Variants in ANKRD30A observed in about 807,000 individuals in gnomAD.
ANKRD30A encodes the protein ankyrin repeat domain-containing protein 30A.
Under a neutral mutation model 166.3 loss-of-function variants are expected in ANKRD30A, and 170 were observed. The observed-to-expected ratio is 1.02, with a 90% confidence interval of 0.90 to 1.16. The LOEUF is 1.16. Ranked by LOEUF, ANKRD30A falls within the 50% of genes most tolerant of loss-of-function variation. ANKRD30A has a pLI of 0.00. For missense variants in ANKRD30A, 1,630 were observed against 1,518.0 expected, an observed-to-expected ratio of 1.07 and a Z score of -1.23; for synonymous variants, 564 against 508.9, an observed-to-expected ratio of 1.11 and a Z score of -1.46.
intron 25 of ANKRD30A, among the ~76,000 whole-genome samples, chr10:37,190,286 G>T (rs1403849370): frequency 6.6e-6 from 1 of 151,850 alleles, no homozygotes; most frequent in Non-Finnish European, 1.5e-5. Context: ...GCTGATGCTG[G>T]TGGTCCTTGG....
chr10:37,127,046 C>CAAAAAAAAAAAAAAAAAAAAAAAAAA (rs71007622), intron 1 of ANKRD30A, among the ~76,000 whole-genome samples: 2 of 16,504 alleles, frequency 1.2e-4, no homozygotes, highest in Non-Finnish European at 8.9e-5. Flanking sequence ...AACTCTGTCT[C>CAAAAAAAAAAAAAAAAAAAAAAAAAA]AAAAAAAAAA....
chr10:37,264,662 G>T, the ANKRD30A span: 4 of 237,808 alleles, frequency 1.7e-5, no homozygotes, highest in Admixed American at 1.7e-4. Context: ...TTGGAAGTTT[G>T]CCTTCTGTGT....
downstream of ANKRD30A, among the ~76,000 whole-genome samples, chr10:37,234,235 G>GT (rs1355461465): frequency 4.6e-5 from 7 of 151,956 alleles, no homozygotes; most frequent in South Asian, 4.2e-4. Context: ...CTTTTACTTT[G>GT]TTTTTTTATT....
intron 7 of ANKRD30A, 75 bp downstream of exon 7, chr10:37,142,365 G>A: frequency 1.4e-5 from 19 of 1,369,068 alleles, no homozygotes; most frequent in Non-Finnish European, 1.7e-5. Context: ...TGATATGGGA[G>A]TAGTTGGGAA....
the ANKRD30A span, among the ~76,000 whole-genome samples, chr10:37,243,385 C>A: frequency 6.6e-6 from 1 of 151,352 alleles, no homozygotes; most frequent in Non-Finnish European, 1.5e-5. Flanking sequence ...ACCTCGTGAT[C>A]CGCCCGCCTC....
At chr10:37,151,484 G>GT (rs1837932190) in intron 11 of ANKRD30A, among the ~76,000 whole-genome samples, 2 of 152,032 alleles carry the variant, frequency 1.3e-5, no homozygotes, top group Admixed American at 1.3e-4. Flanking sequence ...TTCAATAAAA[G>GT]TTTTTAAGCT....
In ANKRD30A at chr10:37,141,861, G is replaced by A; in HGVS notation, c.964G>A (p.Glu322Lys). 2 of 1,614,064 alleles carry A rather than the reference G, an allele frequency of 1.2e-6. No individual in the cohort carries two copies. The highest frequency in any genetic ancestry group is 1.7e-6 in the Non-Finnish European group (2 of 1,179,990). The change falls in exon 7 of 36, where the codon GAA becomes AAA. Residue 322 changes from glutamate (E) to lysine (K), a missense_variant. Physicochemically the swap from Glu to Lys is moderately conservative, Grantham distance 56. This residue lies in a region of ANKRD30A where 904 missense variants were observed against 818.5 expected (regional missense o/e 1.10). Transcript: ENST00000361713. ...ACCTGACACGGCTGAAAGCTTGGTG[G>A]AAAAAACACCTGATGAGGCTGCATC... ...RTPDTAESLV[E>K]KTPDEAASLV... is the part of the protein sequence containing the mutation.
chr10:37,136,804 GGTGTGTGTAT>G (rs1021941375), intron 6 of ANKRD30A, 133 bp downstream of exon 6: 15 of 361,332 alleles, frequency 4.2e-5, no homozygotes, highest in Non-Finnish European at 6.0e-5. Flanking sequence ...TGTGGGTGTG[GGTGTGTGTAT>G]GTGTGTGTGT....
In ANKRD30A at chr10:37,162,866, A is replaced by T. The variant is rs1839041001; in HGVS notation, c.2002+18A>T. 1.9e-6 allele frequency: 3 copies of T among 1,609,784 alleles called. No homozygotes were observed. Among genetic ancestry groups the T allele is most frequent in the South Asian group, 2.2e-5 (2 of 90,890 alleles). ...GAGAGCAGGTAAATTTTTCAATGTAACTATGGAAAGACCAATATTTCAATA... is the reference window on the plus strand; with the variant it reads ...GAGAGCAGGTAAATTTTTCAATGTATCTATGGAAAGACCAATATTTCAATA... On this transcript the variant is annotated intron_variant, in intron 17 of 35. Transcript: ENST00000361713.
At chr10:37,141,596 G>GCT in intron 6 of ANKRD30A, 122 bp from the exon 7 acceptor site, 1 of 992,760 alleles carries the variant, frequency 1.0e-6, no homozygotes, top group Non-Finnish European at 1.4e-6. Flanking sequence ...AAAAAAAAGA[G>GCT]AAAAGAAAAG....
intron 13 of ANKRD30A, among the ~76,000 whole-genome samples, chr10:37,157,800 A>G (rs1838500453): frequency 6.6e-6 from 1 of 152,194 alleles, no homozygotes; most frequent in African/African-American, 2.4e-5. Flanking sequence ...ACAAAAATGA[A>G]TATATTTATT....
At chr10:37,194,586 G>A (rs150532165) in intron 27 of ANKRD30A, among the ~76,000 whole-genome samples, 7 of 151,956 alleles carry the variant, frequency 4.6e-5, no homozygotes, top group Non-Finnish European at 8.8e-5. Context: ...ACCTTGTGAT[G>A]CGCCCGTCTC....
At position 37,219,824 on chromosome 10, in the gene ANKRD30A, A is replaced by G; in HGVS notation, c.4112A>G (p.Glu1371Gly). The stretch of plus-strand genomic sequence containing the variant: ...CATCATCTCCTAAAAGAGAAAAATG[A>G]GGAGATATTTAATTACAATAACCAT... The part of the protein sequence containing the change: ...MQHHLLKEKN[E>G]EIFNYNNHLK... The change falls in exon 34 of 36, where the codon GAG (glutamate) becomes GGG (glycine). Residue 1371 changes from glutamate (E) to glycine (G), a missense_variant. Physicochemically the swap from Glu to Gly is moderately conservative, Grantham distance 98. Around this residue, in one of 4 missense-constraint regions of ANKRD30A, gnomAD observed 712 missense variants for 629.3 expected, o/e 1.13. Coordinates refer to ENST00000361713, the MANE Select transcript of ANKRD30A (RefSeq NM_052997.3). 6.3e-7 allele frequency: 1 copy of G among 1,598,098 alleles called. No individual in the cohort carries two copies. The highest frequency in any genetic ancestry group is 8.5e-7 in the Non-Finnish European group (1 of 1,170,988).
the ANKRD30A span, among the ~76,000 whole-genome samples, chr10:37,253,348 C>A: frequency 4.1e-4 from 63 of 152,276 alleles, no homozygotes; most frequent in Middle Eastern, 3.4e-3. Flanking sequence ...TATTGAGATA[C>A]AACATATACC....
chr10:37,201,991 C>G (rs1841654582), intron 31 of ANKRD30A, among the ~76,000 whole-genome samples: 1 of 152,080 alleles, frequency 6.6e-6, no homozygotes, highest in Non-Finnish European at 1.5e-5. Context: ...CACTGTGATT[C>G]AGCTGACTTG....
Position 37,158,586 on chromosome 10 carries a change from G to C in ANKRD30A, c.1900G>C (p.Glu634Gln), listed in dbSNP as rs1006787924. Residue 634 changes from glutamate to glutamine, a missense_variant and splice_region_variant, in exon 15 of 36, where the codon GAG becomes CAG. Glu to Gln is a conservative substitution (Grantham distance 29). Transcript: ENST00000361713. ...ELKDMQTFKA[E>Q]PPGKPSAFEP... ...GAAGGACATGCAAACTTTCAAAGCA[G>C]GTAAATTTTGTAATTTTAATTTTAC... 1 of 1,611,858 alleles carries C rather than the reference G, an allele frequency of 6.2e-7. No homozygotes were observed. The highest frequency in any genetic ancestry group is 1.1e-5 in the South Asian group (1 of 90,314).
chr10:37,222,688 T>C (rs1392430429), intron 34 of ANKRD30A, among the ~76,000 whole-genome samples: 1 of 151,412 alleles, frequency 6.6e-6, no homozygotes, highest in African/African-American at 2.4e-5. Context: ...TTTTCAGTTT[T>C]TGTTCATCTA....
chr10:37,201,192 G>A (rs748150214), intron 30 of ANKRD30A, 43 bp from the exon 31 acceptor site: 2 of 1,404,316 alleles, frequency 1.4e-6, no homozygotes, highest in African/African-American at 1.5e-5. Context: ...TTCATTATTA[G>A]GATTTTTCCA....
chr10:37,223,101 G>T (rs987945139), intron 34 of ANKRD30A, among the ~76,000 whole-genome samples: 4 of 151,230 alleles, frequency 2.6e-5, no homozygotes, highest in African/African-American at 9.7e-5. Context: ...ACTCATATTT[G>T]TTCTGACTAT....
Sources: allele counts gnomAD v4.1 joint callset (sites outside exome capture counted in the v4.1 genomes callset), GRCh38; gene constraint gnomAD v4.1.1; regional missense constraint gnomAD v4.1.1; transcripts MANE v1.5; gene names NCBI Gene and HGNC (gene_info 2026-07-23, HGNC 2026-07-21).